The following HMGCLL1 variants were observed in gnomAD, a reference collection of about 807,000 sequenced individuals.
HMGCLL1 encodes the protein 3-hydroxy-3-methylglutaryl-CoA lyase like 1.
A neutral mutation model predicts 39.1 loss-of-function variants in HMGCLL1; 36 were observed. The observed-to-expected ratio is 0.92, with a 90% CI of 0.71 to 1.22. HMGCLL1 has a LOEUF of 1.22. Among genes scored for constraint, HMGCLL1 ranks in the 50% most tolerant of loss-of-function variants. The probability of loss-of-function intolerance (pLI) is 0.00; values close to 1 mark genes in which losing one functional copy is unlikely to be tolerated. For missense variants in HMGCLL1, 451 were observed against 416.5 expected, an observed-to-expected ratio of 1.08 and a Z score of -0.72; for synonymous variants, 149 against 144.0, an observed-to-expected ratio of 1.03 and a Z score of -0.25.
chr6:55,567,027 C>A (rs2127473840), intron 1 of HMGCLL1, among the ~76,000 whole-genome samples: 1 of 152,022 alleles, frequency 6.6e-6, no homozygotes, highest in South Asian at 2.1e-4. Context: ...CTTGGGATAA[C>A]AGAAAACTAA....
intron 1 of HMGCLL1, among the ~76,000 whole-genome samples, chr6:55,573,871 AAAAG>A (rs1771637667): frequency 6.6e-6 from 1 of 152,144 alleles, no homozygotes; most frequent in African/African-American, 2.4e-5. Context: ...AGATGAATGC[AAAAG>A]AAAGTATGCC....
the HMGCLL1 span, among the ~76,000 whole-genome samples, chr6:55,673,050 A>G: frequency 6.6e-6 from 1 of 152,014 alleles, no homozygotes; most frequent in East Asian, 1.9e-4. Flanking sequence ...GAAGTCCCTT[A>G]GCAGAGGCCT....
At chr6:55,556,588 A>G (rs1317054145) in intron 1 of HMGCLL1, among the ~76,000 whole-genome samples, 1 of 152,164 alleles carries the variant, frequency 6.6e-6, no homozygotes, top group Non-Finnish European at 1.5e-5. Context: ...AGGCAGATGG[A>G]AAGCCACTAG....
chr6:55,669,306 G>A, the HMGCLL1 span, among the ~76,000 whole-genome samples: 3 of 151,602 alleles, frequency 2.0e-5, no homozygotes, highest in African/African-American at 7.3e-5. Flanking sequence ...CAACAACTTT[G>A]GCAATTAAAC....
chr6:55,528,418 T>C (rs1165966674), intron 3 of HMGCLL1, among the ~76,000 whole-genome samples: 1 of 152,070 alleles, frequency 6.6e-6, no homozygotes, highest in Non-Finnish European at 1.5e-5. Flanking sequence ...ACTAGAGCTC[T>C]TCCTGACAAC....
the HMGCLL1 span, among the ~76,000 whole-genome samples, chr6:55,618,012 G>T: frequency 8.5e-4 from 129 of 152,108 alleles, no homozygotes; most frequent in African/African-American, 3.1e-3. Context: ...AAGCAAGTTC[G>T]AAATAATGCA....
chr6:55,530,904 AC>A (rs1245542079), intron 3 of HMGCLL1, among the ~76,000 whole-genome samples: 3 of 152,130 alleles, frequency 2.0e-5, no homozygotes, highest in Admixed American at 6.6e-5. Flanking sequence ...ATCAGCCAAA[AC>A]GTATGTCTTT....
the HMGCLL1 span, among the ~76,000 whole-genome samples, chr6:55,662,970 G>A: frequency 6.6e-6 from 1 of 151,554 alleles, no homozygotes; most frequent in Non-Finnish European, 1.5e-5. Flanking sequence ...TCTAGTTTGT[G>A]TGCATAGAGG....
chr6:55,505,773 G>A (rs997889569), intron 5 of HMGCLL1, among the ~76,000 whole-genome samples: 2 of 151,654 alleles, frequency 1.3e-5, no homozygotes, highest in East Asian at 1.9e-4. Context: ...TGCCTGTGAG[G>A]TTAATTTATC....
At chr6:55,585,367 T>A in the HMGCLL1 span, among the ~76,000 whole-genome samples, 1 of 152,156 alleles carries the variant, frequency 6.6e-6, no homozygotes, top group African/African-American at 2.4e-5. Context: ...TAACTAGTTT[T>A]ACTTTGTTAG....
At chr6:55,591,117 G>A in the HMGCLL1 span, among the ~76,000 whole-genome samples, 15 of 151,860 alleles carry the variant, frequency 9.9e-5, no homozygotes, top group South Asian at 2.1e-4. Flanking sequence ...ATATTTTAGC[G>A]AAAGAAACCC....
intron 7 of HMGCLL1, among the ~76,000 whole-genome samples, chr6:55,449,118 G>A (rs985502535): frequency 6.6e-6 from 1 of 152,172 alleles, no homozygotes; most frequent in African/African-American, 2.4e-5. Flanking sequence ...TAAAAACATT[G>A]TGAAAATTTC....
chr6:55,441,270 G>A (rs373124319), intron 7 of HMGCLL1, among the ~76,000 whole-genome samples: 12 of 152,058 alleles, frequency 7.9e-5, no homozygotes, highest in Non-Finnish European at 1.6e-4. Flanking sequence ...CATGACCTTC[G>A]GGTTGGTAGA....
the HMGCLL1 span, among the ~76,000 whole-genome samples, chr6:55,627,680 A>G: frequency 9.2e-6 from 1 of 108,324 alleles, no homozygotes; most frequent in Non-Finnish European, 2.3e-5. Flanking sequence ...AATATAAAGC[A>G]GGCAGAAAAT....
chr6:55,524,022 C>T (rs918662456), intron 3 of HMGCLL1, among the ~76,000 whole-genome samples: 1 of 151,994 alleles, frequency 6.6e-6, no homozygotes, highest in East Asian at 1.9e-4. Flanking sequence ...GTGTGCAAAA[C>T]TGTAGTAGTT....
intron 1 of HMGCLL1, among the ~76,000 whole-genome samples, chr6:55,560,544 T>A (rs1229702322): frequency 6.6e-6 from 1 of 152,184 alleles, no homozygotes; most frequent in Non-Finnish European, 1.5e-5. Context: ...TTCCATATTA[T>A]ATATACACCT....
chr6:55,672,771 T>C, the HMGCLL1 span, among the ~76,000 whole-genome samples: 1 of 152,000 alleles, frequency 6.6e-6, no homozygotes, highest in Non-Finnish European at 1.5e-5. Flanking sequence ...TAAGAGACTA[T>C]ATTCCACTTG....
the HMGCLL1 span, among the ~76,000 whole-genome samples, chr6:55,627,933 A>ATATATATATTATATATATAGTATATATAC: frequency 3.3e-3 from 30 of 9,018 alleles, 2 homozygotes; most frequent in East Asian, 7.7e-3. Context: ...TATATATACT[A>ATATATATATTATATATATAGTATATATAC]TATATATAGT....
the HMGCLL1 span, among the ~76,000 whole-genome samples, chr6:55,633,278 C>T: frequency 2.0e-5 from 3 of 151,832 alleles, no homozygotes; most frequent in Non-Finnish European, 2.9e-5. Context: ...ATGGTTAATG[C>T]ATGGTCAAGC....
Sources: gnomAD v4.1 joint callset for allele counts (sites outside exome capture counted in the v4.1 genomes callset) on GRCh38, gnomAD v4.1.1 for gene constraint, MANE v1.5 for transcripts, NCBI Gene and HGNC (gene_info 2026-07-23, HGNC 2026-07-21) for gene names.